SLC2A5: variants seen among roughly 807,000 people sequenced by gnomAD.
The protein encoded by SLC2A5 is solute carrier family 2 member 5.
SLC2A5 carries 56 observed loss-of-function variants against 50.3 expected under a neutral mutation model. That is an observed-to-expected ratio of 1.11 (90% CI 0.90 to 1.39). The LOEUF (loss-of-function observed/expected upper bound fraction) is 1.39. Ranked by LOEUF, SLC2A5 falls within the 40% of genes most tolerant of loss-of-function variation. SLC2A5 has a pLI of 0.00. For synonymous variants in SLC2A5, 269 were observed against 281.9 expected (o/e 0.95, Z 0.46); for missense variants, 566 against 650.1 (o/e 0.87, Z 1.41).
Position 9,079,363 on chromosome 1 carries a change from G to A in SLC2A5, c.-59+5651C>T, listed in dbSNP as rs558961641. On this transcript the variant is annotated intron_variant, in intron 2 of 5. Coordinates refer to the SLC2A5 transcript ENST00000464985. Reference sequence around the variant, plus strand: ...GAGAGTGCACGTGCACAGGAAGGGCGTGCTCCTGGAGAAGCACAGGCAGAA... The same window carrying A: ...GAGAGTGCACGTGCACAGGAAGGGCATGCTCCTGGAGAAGCACAGGCAGAA... Among the ~76,000 whole-genome samples, 114 of 152,262 alleles carry A rather than the reference G, an allele frequency of 7.5e-4. 1 individual carries two copies. The highest frequency in any genetic ancestry group is 2.5e-3 in the African/African-American group (105 of 41,546).
At chr1:9,067,092 C>G (rs1394875048) in intron 1 of SLC2A5, among the ~76,000 whole-genome samples, 1 of 152,112 alleles carries the variant, frequency 6.6e-6, no homozygotes, top group African/African-American at 2.4e-5. Flanking sequence ...GCCAGACGCC[C>G]TCCTCCCCGG....
chr1:9,051,910 C>T (rs1047984166), intron 3 of SLC2A5, among the ~76,000 whole-genome samples: 7 of 152,072 alleles, frequency 4.6e-5, no homozygotes, highest in Admixed American at 1.3e-4. Context: ...GGTACTGAAC[C>T]GATAAAGTGT....
intron 1 of SLC2A5, among the ~76,000 whole-genome samples, chr1:9,068,932 A>C (rs955649716): frequency 6.6e-6 from 1 of 152,240 alleles, no homozygotes; most frequent in Non-Finnish European, 1.5e-5. Context: ...TTCCTCAATC[A>C]AGGGAATCTA....
intron 5 of SLC2A5, chr1:9,041,556 T>C: frequency 1.5e-6 from 2 of 1,365,522 alleles, no homozygotes; most frequent in Non-Finnish European, 9.5e-7. Flanking sequence ...ACCTCATCCA[T>C]CTCCTAAGAG....
At chr1:9,092,919 T>C (rs913129510), upstream of SLC2A5, among the ~76,000 whole-genome samples, 2 of 152,124 alleles carry the variant, frequency 1.3e-5, no homozygotes, top group African/African-American at 2.4e-5. Flanking sequence ...AAGACTGGGT[T>C]ACCCTTTTGC....
intron 4 of SLC2A5, among the ~76,000 whole-genome samples, chr1:9,042,617 GTATA>G: frequency 6.8e-6 from 1 of 146,740 alleles, no homozygotes. Context: ...GTGTGTATGT[GTATA>G]TATATGTGTG....
chr1:9,058,000 G>A, intron 2 of SLC2A5, 152 bp downstream of exon 2: 1 of 628,780 alleles, frequency 1.6e-6, no homozygotes, highest in Non-Finnish European at 2.9e-6. Context: ...GTGTCTGCGA[G>A]TTCCCTCGGG....
intron 1 of SLC2A5, among the ~76,000 whole-genome samples, chr1:9,060,781 T>TATTC (rs1193470060): frequency 6.6e-6 from 1 of 151,754 alleles, no homozygotes; most frequent in East Asian, 1.9e-4. Context: ...TCGCTCTGTG[T>TATTC]ATTCATTCAT....
At chr1:9,057,292 T>TAAAAAAAAAAAAAAA (rs760221358) in intron 3 of SLC2A5, among the ~76,000 whole-genome samples, 156 bp downstream of exon 3, 1 of 103,438 alleles carries the variant, frequency 9.7e-6, no homozygotes, top group Non-Finnish European at 2.1e-5. Flanking sequence ...TCTCAAAAAT[T>TAAAAAAAAAAAAAAA]AAAAAAAAAA....
upstream of SLC2A5, chr1:9,069,765 C>T (rs1569910354): frequency 1.7e-6 from 1 of 577,532 alleles, no homozygotes; most frequent in East Asian, 2.9e-5. Context: ...TGGGTGCCCC[C>T]TGGGGACTGC....
At chr1:9,059,244 G>A (rs1042529927) in intron 1 of SLC2A5, among the ~76,000 whole-genome samples, 2 of 140,446 alleles carry the variant, frequency 1.4e-5, no homozygotes, top group Non-Finnish European at 3.0e-5. Flanking sequence ...CTGGGTTCAC[G>A]CCATTCTCCT....
chr1:9,067,060 G>A (rs1040772415), intron 1 of SLC2A5, among the ~76,000 whole-genome samples: 3 of 151,972 alleles, frequency 2.0e-5, no homozygotes, highest in Non-Finnish European at 4.4e-5. Flanking sequence ...ACCACTGAGG[G>A]GCAGGCAGCT....
At chr1:9,068,344 G>A (rs1369338615) in intron 1 of SLC2A5, among the ~76,000 whole-genome samples, 1 of 151,946 alleles carries the variant, frequency 6.6e-6, no homozygotes, top group African/African-American at 2.4e-5. Flanking sequence ...TTTTACAAAT[G>A]AGAAAACTGA....
At chr1:9,083,934 G>T (rs1642378252) in intron 2 of SLC2A5, among the ~76,000 whole-genome samples, 2 of 152,116 alleles carry the variant, frequency 1.3e-5, no homozygotes, top group Admixed American at 1.3e-4. Context: ...CACGAGGTCA[G>T]GAGATCGAGA....
At chr1:9,079,568 A>C (rs797187) in intron 2 of SLC2A5, among the ~76,000 whole-genome samples, 113,803 of 152,174 alleles carry the variant, frequency 0.75, 43,462 homozygotes, top group East Asian at 0.97. Flanking sequence ...TCCCTGCAAC[A>C]TTTGCCTCCT....
At chr1:9,060,154 C>A (rs1011325313) in intron 1 of SLC2A5, among the ~76,000 whole-genome samples, 4 of 146,466 alleles carry the variant, frequency 2.7e-5, no homozygotes, top group Non-Finnish European at 6.0e-5. Flanking sequence ...ATACACACTA[C>A]ACACACTACA....
intron 1 of SLC2A5, among the ~76,000 whole-genome samples, chr1:9,060,474 A>G (rs1173563795): frequency 7.1e-6 from 1 of 141,126 alleles, no homozygotes; most frequent in East Asian, 2.2e-4. Flanking sequence ...CCACACATAC[A>G]CACCCATACC....
At chr1:9,089,430 A>T (rs1642439429), upstream of SLC2A5, among the ~76,000 whole-genome samples, 1 of 152,234 alleles carries the variant, frequency 6.6e-6, no homozygotes, top group African/African-American at 2.4e-5. Flanking sequence ...CCAGATATCT[A>T]GAAAAAATTA....
chr1:9,069,423 C>T (rs1376727057), intron 1 of SLC2A5, 81 bp downstream of exon 1: 3 of 1,460,824 alleles, frequency 2.1e-6, no homozygotes, highest in African/African-American at 2.8e-5. Context: ...CCAGGAGCCC[C>T]CCAGCGACTC....
Sources: allele counts gnomAD v4.1 joint callset (sites outside exome capture counted in the v4.1 genomes callset), GRCh38; gene constraint gnomAD v4.1.1; transcripts MANE v1.5; gene names NCBI Gene and HGNC (gene_info 2026-07-23, HGNC 2026-07-21).